TUSC3: variants seen among roughly 807,000 people sequenced by gnomAD.
The protein encoded by TUSC3 is tumor suppressor candidate 3.
A neutral mutation model predicts 44.8 loss-of-function variants in TUSC3; 45 were observed. That is an observed-to-expected ratio of 1.00 (90% CI 0.79 to 1.29). The LOEUF (loss-of-function observed/expected upper bound fraction) is 1.29, where lower values mean the gene tolerates loss of function less well. TUSC3 is among the 50% of genes most tolerant of loss of function. The probability of loss-of-function intolerance (pLI) is 0.00; values close to 1 mark genes in which losing one functional copy is unlikely to be tolerated. For missense variants in TUSC3, 519 were observed against 437.9 expected (o/e 1.19, Z -1.65); for synonymous variants, 212 against 152.9 (o/e 1.39, Z -2.85).
intron 6 of TUSC3, among the ~76,000 whole-genome samples, chr8:15,707,712 A>C (rs1436220910): frequency 6.6e-6 from 1 of 151,988 alleles, no homozygotes; most frequent in African/African-American, 2.4e-5. Context: ...TTGAAGTGGG[A>C]ATTTGACATG....
chr8:15,480,633 C>G (rs1194295103), intron 1 of TUSC3, among the ~76,000 whole-genome samples: 1 of 152,136 alleles, frequency 6.6e-6, no homozygotes, highest in Non-Finnish European at 1.5e-5. Flanking sequence ...TGAGGCTTCC[C>G]TCCTTGGCTT....
At chr8:15,584,256 C>G (rs1041740402) in intron 1 of TUSC3, among the ~76,000 whole-genome samples, 5 of 152,148 alleles carry the variant, frequency 3.3e-5, no homozygotes, top group African/African-American at 9.7e-5. Context: ...AGTCTCAGCA[C>G]AACATTGACT....
At chr8:15,649,821 G>A (rs1806807972) in intron 2 of TUSC3, among the ~76,000 whole-genome samples, 1 of 152,032 alleles carries the variant, frequency 6.6e-6, no homozygotes, top group Non-Finnish European at 1.5e-5. Flanking sequence ...TTATTGTTAG[G>A]TTGTACCTTT....
upstream of TUSC3, among the ~76,000 whole-genome samples, chr8:15,536,607 G>A (rs1020155421): frequency 1.2e-4 from 17 of 146,378 alleles, no homozygotes; most frequent in African/African-American, 4.3e-4. Flanking sequence ...GCTTGAACCT[G>A]GGAGGCGGAG....
the TUSC3 span, among the ~76,000 whole-genome samples, chr8:15,834,609 T>C: frequency 1.3e-5 from 2 of 152,310 alleles, no homozygotes; most frequent in East Asian, 3.9e-4. Flanking sequence ...TGGGTAATCA[T>C]TGAATTTTCT....
At chr8:15,534,614 G>T (rs1364658172) in intron 2 of TUSC3, among the ~76,000 whole-genome samples, 1 of 147,156 alleles carries the variant, frequency 6.8e-6, no homozygotes, top group Admixed American at 6.9e-5. Context: ...CTGCACTCCA[G>T]CCTAGGTGAC....
intron 2 of TUSC3, among the ~76,000 whole-genome samples, chr8:15,640,779 G>A (rs1806329963): frequency 6.6e-6 from 1 of 152,164 alleles, no homozygotes; most frequent in African/African-American, 2.4e-5. Context: ...GGAGATGATG[G>A]TGAACAAACT....
chr8:15,459,574 C>G (rs554714820), intron 1 of TUSC3, among the ~76,000 whole-genome samples: 1 of 152,150 alleles, frequency 6.6e-6, no homozygotes, highest in East Asian at 1.9e-4. Flanking sequence ...ATCGCCCAAG[C>G]AGTATACACT....
intron 1 of TUSC3, among the ~76,000 whole-genome samples, chr8:15,427,806 A>C (rs908115748): frequency 1.3e-5 from 2 of 152,032 alleles, no homozygotes; most frequent in African/African-American, 4.8e-5. Context: ...CTTTGTTGTC[A>C]TACTCAAAAA....
At chr8:15,661,427 A>G (rs1807421025) in intron 4 of TUSC3, among the ~76,000 whole-genome samples, 1 of 151,978 alleles carries the variant, frequency 6.6e-6, no homozygotes, top group African/African-American at 2.4e-5. Flanking sequence ...TACTTTTTAA[A>G]TAGAGTGATC....
At chr8:15,684,642 G>A (rs552214596) in intron 6 of TUSC3, among the ~76,000 whole-genome samples, 1 of 152,266 alleles carries the variant, frequency 6.6e-6, no homozygotes, top group South Asian at 2.1e-4. Context: ...GGGATGCCCA[G>A]CTCTGATGTC....
At chr8:15,834,515 T>C in the TUSC3 span, among the ~76,000 whole-genome samples, 1 of 152,202 alleles carries the variant, frequency 6.6e-6, no homozygotes, top group Admixed American at 6.5e-5. Flanking sequence ...CATTATCTAT[T>C]GCAAGGTAAG....
rs575996937 is a variant in TUSC3, at chr8:15,562,341, T to A, written c.138+21773T>A. Among the ~76,000 whole-genome samples, 18 of 152,280 alleles carry A rather than the reference T, an allele frequency of 1.2e-4. 1 individual carries two copies. In the South Asian group the frequency reaches 3.3e-3, roughly 28 times the overall value. On this transcript the variant is annotated intron_variant, in intron 1 of 10. Coordinates refer to ENST00000503731, the MANE Select transcript of TUSC3 (RefSeq NM_006765.4). ...TAGCTAATAAAACCGCTTCGCAATT[T>A]ATCTTTCCATCCGTCTTATCTCCTC...
At chr8:15,830,394 T>G in the TUSC3 span, among the ~76,000 whole-genome samples, 1 of 152,208 alleles carries the variant, frequency 6.6e-6, no homozygotes, top group African/African-American at 2.4e-5. Context: ...CTAGGTTTTC[T>G]TCTGGGAATT....
chr8:15,768,574 G>A (rs942262547), downstream of TUSC3, among the ~76,000 whole-genome samples: 2 of 152,124 alleles, frequency 1.3e-5, no homozygotes, highest in African/African-American at 2.4e-5. Context: ...AGGAAACAGA[G>A]AATGATTTAT....
chr8:15,792,698 C>A, the TUSC3 span, among the ~76,000 whole-genome samples: 1 of 152,136 alleles, frequency 6.6e-6, no homozygotes, highest in Non-Finnish European at 1.5e-5. Flanking sequence ...CCACTGCAAC[C>A]TCTGCCTCCT....
intron 9 of TUSC3, among the ~76,000 whole-genome samples, chr8:15,754,817 A>T (rs1447718428): frequency 6.6e-6 from 1 of 152,054 alleles, no homozygotes; most frequent in African/African-American, 2.4e-5. Flanking sequence ...TTTTCCTCAC[A>T]ATTTTGAATT....
At chr8:15,428,099 C>G (rs1799828221) in intron 1 of TUSC3, among the ~76,000 whole-genome samples, 1 of 147,878 alleles carries the variant, frequency 6.8e-6, no homozygotes, top group Admixed American at 6.7e-5. Flanking sequence ...AGGTATATCC[C>G]CTAATGCTAT....
In TUSC3 at chr8:15,757,828, A is replaced by T; in HGVS notation, c.*19A>T. On this transcript the variant is annotated 3_prime_UTR_variant, in exon 10 of 11. Transcript: ENST00000503731. ...TGAGTGAGAAGATGTGATTTGGACC[A>T]TGGCACTTAAAAACTCTATAACCTC... is the stretch of plus-strand genomic sequence containing the variant. 1 of 1,395,484 alleles carries T rather than the reference A, an allele frequency of 7.2e-7. No homozygotes were observed. The highest frequency in any genetic ancestry group is 1.0e-6 in the Non-Finnish European group (1 of 980,754). 86.4% of individuals were successfully genotyped at this position (1,395,484 alleles called of 1,614,324 possible).
Sources: gnomAD v4.1 joint callset for allele counts (sites outside exome capture counted in the v4.1 genomes callset) on GRCh38, gnomAD v4.1.1 for gene constraint, MANE v1.5 for transcripts, NCBI Gene and HGNC (gene_info 2026-07-23, HGNC 2026-07-21) for gene names.